The following TBC1D8 variants were observed in gnomAD, a reference collection of about 807,000 sequenced individuals.
The protein encoded by TBC1D8 is TBC1 domain family member 8.
A neutral mutation model predicts 118.8 loss-of-function variants in TBC1D8; 65 were observed. That is an observed-to-expected ratio of 0.55 (90% CI 0.45 to 0.67). TBC1D8 has a LOEUF of 0.67. Ranked by LOEUF, TBC1D8 falls within the 30% of genes least tolerant of loss-of-function variation. The pLI, the probability that TBC1D8 is intolerant of heterozygous loss-of-function variation, is 0.00. For synonymous variants in TBC1D8, 566 were observed against 595.8 expected (o/e 0.95, Z 0.73); for missense variants, 1,376 against 1,471.2 (o/e 0.94, Z 1.06).
At chr2:101,095,249 T>TTTA (rs61200526) in intron 1 of TBC1D8, among the ~76,000 whole-genome samples, 20 of 146,610 alleles carry the variant, frequency 1.4e-4, no homozygotes, top group Middle Eastern at 3.5e-3. Flanking sequence ...AAGTATTTTC[T>TTTA]TTATTATTAT....
At chr2:101,112,952 G>A (rs1311374952) in intron 1 of TBC1D8, among the ~76,000 whole-genome samples, 1 of 152,144 alleles carries the variant, frequency 6.6e-6, no homozygotes, top group Non-Finnish European at 1.5e-5. Flanking sequence ...GACAGTATCT[G>A]CCTTGGGTCA....
intron 3 of TBC1D8, among the ~76,000 whole-genome samples, chr2:101,057,280 C>T (rs573323230): frequency 6.6e-6 from 1 of 152,212 alleles, no homozygotes; most frequent in South Asian, 2.1e-4. Context: ...CAGCTCTTGA[C>T]CCTCCCAAGT....
chr2:101,045,159 A>C (rs1008155266), intron 5 of TBC1D8, among the ~76,000 whole-genome samples: 1 of 152,204 alleles, frequency 6.6e-6, no homozygotes, highest in Non-Finnish European at 1.5e-5. Context: ...AATATGTGCA[A>C]TAATGCAAGA....
At chr2:101,026,260 T>C (rs1680330475) in intron 15 of TBC1D8, among the ~76,000 whole-genome samples, 2 of 152,240 alleles carry the variant, frequency 1.3e-5, no homozygotes, top group South Asian at 4.1e-4. Context: ...TTGCCTACTT[T>C]TATGTTCCTG....
At chr2:101,132,176 T>C (rs1260439348) in intron 1 of TBC1D8, among the ~76,000 whole-genome samples, 6 of 152,244 alleles carry the variant, frequency 3.9e-5, no homozygotes, top group Admixed American at 3.9e-4. Context: ...CCATTCACTA[T>C]ATCATTTGCT....
intron 1 of TBC1D8, among the ~76,000 whole-genome samples, chr2:101,129,523 A>C (rs1004876418): frequency 6.6e-6 from 1 of 152,302 alleles, no homozygotes; most frequent in African/African-American, 2.4e-5. Flanking sequence ...GCCCAGAACA[A>C]AAGTAGCTGG....
intron 1 of TBC1D8, among the ~76,000 whole-genome samples, chr2:101,144,290 C>T (rs1388759229): frequency 6.6e-6 from 1 of 152,166 alleles, no homozygotes. Context: ...CTCAAAGAGC[C>T]TCTTCATGAC....
At chr2:101,028,203 C>T (rs1046327367) in intron 13 of TBC1D8, 57 bp from the exon 14 acceptor site, 5 of 1,606,926 alleles carry the variant, frequency 3.1e-6, no homozygotes, top group Admixed American at 1.7e-5. Flanking sequence ...AGTGTGGAAA[C>T]AGGAAGTGGC....
At position 101,022,375 on chromosome 2, in the gene TBC1D8, C is replaced by T. The variant is rs200939603; in HGVS notation, c.2667G>A (p.Gly889=). 634 of 1,613,478 alleles carry T rather than the reference C, an allele frequency of 3.9e-4. 3 individuals are homozygous for T. The East Asian group carries it at 4.7e-3, about 12-fold the overall frequency. The change falls in exon 16 of 20, where the codon GGG becomes GGA. Residue 889 remains glycine, a synonymous_variant. Transcript: ENST00000409318. The stretch of plus-strand genomic sequence containing the variant: ...TTTCGGCGAGGATCTCCGTGTGGGC[C>T]CCGCAGGTCCAGGGCGAGACTAGCT... The part of the protein sequence containing the change: ...LFQLVSPWTC[G]AHTEILAERT...
At chr2:101,103,729 A>T (rs1677024887) in intron 1 of TBC1D8, among the ~76,000 whole-genome samples, 1 of 151,414 alleles carries the variant, frequency 6.6e-6, no homozygotes, top group Non-Finnish European at 1.5e-5. Context: ...CTCCAGAAAA[A>T]CTCCCCACAG....
Position 101,038,482 on chromosome 2 carries a change from G to A in TBC1D8, c.1254C>T (p.Asp418=). ...ATACCATGTCATCATCCGCAGAGGT[G>A]TCGTAGTGCACGGGGTGGTTGGCGT... ...QVHANHPVHY[D]TSADDDMASL... The change falls in exon 7 of 20, where the codon GAC becomes GAT. Residue 418 remains aspartate, a synonymous_variant. Coordinates refer to ENST00000409318, the MANE Select transcript of TBC1D8 (RefSeq NM_001330348.2). 1 of 1,613,816 alleles carries A rather than the reference G, an allele frequency of 6.2e-7. No homozygotes were observed.
At chr2:101,125,672 T>C (rs1044133509) in intron 1 of TBC1D8, among the ~76,000 whole-genome samples, 2 of 152,176 alleles carry the variant, frequency 1.3e-5, no homozygotes, top group Non-Finnish European at 2.9e-5. Context: ...TAGTGTGAAA[T>C]AGCTTGCAGA....
chr2:101,134,721 A>G (rs920946892), intron 1 of TBC1D8, among the ~76,000 whole-genome samples: 4 of 152,234 alleles, frequency 2.6e-5, no homozygotes, highest in Admixed American at 6.5e-5. Flanking sequence ...TGCAGGCACT[A>G]TCTTCAAATA....
chr2:101,011,153 G>GA (rs1367342621), intron 18 of TBC1D8, 127 bp from the exon 19 acceptor site: 3 of 902,720 alleles, frequency 3.3e-6, no homozygotes, highest in Non-Finnish European at 5.1e-6. Context: ...TACAAAACTG[G>GA]AAAGCAAGAG....
At chr2:101,148,069 T>C (rs998339326) in intron 1 of TBC1D8, among the ~76,000 whole-genome samples, 1 of 152,178 alleles carries the variant, frequency 6.6e-6, no homozygotes, top group Non-Finnish European at 1.5e-5. Context: ...GGCAGCCACA[T>C]CTGTGCCCGC....
At chr2:101,067,185 T>G (rs1683063582) in intron 2 of TBC1D8, among the ~76,000 whole-genome samples, 1 of 152,176 alleles carries the variant, frequency 6.6e-6, no homozygotes, top group Admixed American at 6.5e-5. Context: ...TTGCTAAATC[T>G]AAACAACCAG....
At chr2:101,122,066 TTTTTC>T (rs1678135682) in intron 1 of TBC1D8, among the ~76,000 whole-genome samples, 1 of 142,896 alleles carries the variant, frequency 7.0e-6, no homozygotes, top group South Asian at 2.3e-4. Context: ...ACTCCATTTC[TTTTTC>T]TTTTTTTTTT....
chr2:101,010,752 C>G (rs1321404687), intron 19 of TBC1D8, among the ~76,000 whole-genome samples, 177 bp downstream of exon 19: 1 of 151,980 alleles, frequency 6.6e-6, no homozygotes, highest in Non-Finnish European at 1.5e-5. Flanking sequence ...CGTGGTTGCA[C>G]ACGCCTGTAA....
At chr2:101,036,626 G>T (rs1681031051) in intron 8 of TBC1D8, among the ~76,000 whole-genome samples, 1 of 152,134 alleles carries the variant, frequency 6.6e-6, no homozygotes, top group African/African-American at 2.4e-5. Flanking sequence ...CTTCCTGACA[G>T]CCAGAGGGAA....
Sources: gnomAD v4.1 joint callset for allele counts (sites outside exome capture counted in the v4.1 genomes callset) on GRCh38, gnomAD v4.1.1 for gene constraint, MANE v1.5 for transcripts, NCBI Gene and HGNC (gene_info 2026-07-23, HGNC 2026-07-21) for gene names.